Variants in GRID2 observed in about 807,000 individuals in gnomAD.
GRID2 encodes glutamate receptor ionotropic, delta-2.
A neutral mutation model predicts 114.8 loss-of-function variants in GRID2; 33 were observed. The observed-to-expected ratio is 0.29, with a 90% CI of 0.22 to 0.38. The LOEUF (loss-of-function observed/expected upper bound fraction) is 0.38. Ranked by LOEUF, GRID2 falls within the 10% of genes least tolerant of loss-of-function variation. The probability of loss-of-function intolerance (pLI) is 1.00; values close to 1 mark genes in which losing one functional copy is unlikely to be tolerated. For missense variants in GRID2, 1,184 were observed against 1,257.7 expected, an observed-to-expected ratio of 0.94 and a Z score of 0.89; for synonymous variants, 505 against 449.9, an observed-to-expected ratio of 1.12 and a Z score of -1.55.
At chr4:93,633,140 A>G (rs375052917) in intron 14 of GRID2, among the ~76,000 whole-genome samples, 3 of 113,566 alleles carry the variant, frequency 2.6e-5, no homozygotes, top group African/African-American at 8.0e-5. Context: ...CAATACTCTC[A>G]TAATGGGTCC....
At chr4:92,387,639 AG>A (rs1240842093) in intron 1 of GRID2, among the ~76,000 whole-genome samples, 1 of 151,980 alleles carries the variant, frequency 6.6e-6, no homozygotes, top group East Asian at 1.9e-4. Context: ...CAAGGGAGGA[AG>A]GAAGTGTAAG....
intron 2 of GRID2, among the ~76,000 whole-genome samples, chr4:92,886,066 T>G (rs1288195167): frequency 2.0e-5 from 3 of 152,144 alleles, no homozygotes; most frequent in African/African-American, 7.2e-5. Context: ...AATGTGGACT[T>G]GCAATTGCAA....
intron 6 of GRID2, 44 bp downstream of exon 6, chr4:93,216,955 G>T (rs944780089): frequency 1.4e-6 from 2 of 1,382,458 alleles, no homozygotes; most frequent in South Asian, 1.2e-5. Flanking sequence ...GTGCTTTGTT[G>T]GGCAATTGCA....
intron 4 of GRID2, among the ~76,000 whole-genome samples, chr4:93,171,279 G>C (rs1031001928): frequency 2.0e-5 from 3 of 152,034 alleles, no homozygotes; most frequent in Admixed American, 2.0e-4. Context: ...TCAACTGTGT[G>C]GTCTTTCCTC....
intron 12 of GRID2, among the ~76,000 whole-genome samples, chr4:93,508,220 C>T (rs182937008): frequency 4.5e-5 from 6 of 134,678 alleles, no homozygotes; most frequent in Admixed American, 7.6e-5. Flanking sequence ...TTTTTTTTGA[C>T]GGAGTCTTGG....
At chr4:92,485,923 G>C (rs150756805) in intron 1 of GRID2, among the ~76,000 whole-genome samples, 220 of 151,818 alleles carry the variant, frequency 1.4e-3, no homozygotes, top group African/African-American at 5.1e-3. Context: ...TGAAATTGTA[G>C]AAATAATGAG....
intron 2 of GRID2, among the ~76,000 whole-genome samples, chr4:93,061,679 A>G (rs1042127043): frequency 1.3e-5 from 2 of 152,148 alleles, no homozygotes; most frequent in African/African-American, 4.8e-5. Context: ...AGTGAAAACT[A>G]AGCAGAGATA....
intron 2 of GRID2, among the ~76,000 whole-genome samples, chr4:92,991,312 C>T (rs1754889996): frequency 6.6e-6 from 1 of 152,058 alleles, no homozygotes; most frequent in Non-Finnish European, 1.5e-5. Context: ...CTTGGCAAAA[C>T]ATAAAAGTAG....
intron 8 of GRID2, among the ~76,000 whole-genome samples, chr4:93,302,152 C>A (rs1754941928): frequency 6.6e-6 from 1 of 152,106 alleles, no homozygotes; most frequent in African/African-American, 2.4e-5. Flanking sequence ...TGCTTTCAAC[C>A]ATTCTTTAAC....
At chr4:93,431,231 A>G (rs1769376169) in intron 10 of GRID2, among the ~76,000 whole-genome samples, 1 of 152,144 alleles carries the variant, frequency 6.6e-6, no homozygotes, top group Non-Finnish European at 1.5e-5. Context: ...TTGGATATGT[A>G]GCATTCTGAA....
intron 2 of GRID2, among the ~76,000 whole-genome samples, chr4:92,727,071 CAT>C (rs1381912031): frequency 6.6e-6 from 1 of 151,982 alleles, no homozygotes; most frequent in Non-Finnish European, 1.5e-5. Context: ...TATCTAATAA[CAT>C]ATCTTAGTTA....
intron 1 of GRID2, among the ~76,000 whole-genome samples, chr4:92,339,437 A>G (rs1727358705): frequency 6.6e-6 from 1 of 152,182 alleles, no homozygotes; most frequent in Non-Finnish European, 1.5e-5. Context: ...TCATTGTAGT[A>G]GTATTCTTAT....
chr4:93,249,197 T>C lies in GRID2; in HGVS notation c.1245+10707T>C, dbSNP rs554566966. On this transcript the variant is annotated intron_variant, in intron 8 of 15. Coordinates refer to ENST00000282020, the MANE Select transcript of GRID2 (RefSeq NM_001510.4). ...AGATGACTGTAGTTGTGTGGTGCTA[T>C]TTCTGAGGCCTCTGTTCTGTTCAAT... Among the ~76,000 whole-genome samples the C allele has an allele frequency of 3.9e-5, 6 of 152,320 alleles. No individual in the cohort carries two copies. In the East Asian group the frequency reaches 9.7e-4, roughly 25 times the overall value.
At chr4:93,262,408 T>C (rs1750352108) in intron 8 of GRID2, among the ~76,000 whole-genome samples, 1 of 151,960 alleles carries the variant, frequency 6.6e-6, no homozygotes, top group Admixed American at 6.6e-5. Context: ...GAGGCAGTTA[T>C]GAAGAATATT....
chr4:92,749,853 TATTG>T (rs113146808), intron 2 of GRID2, among the ~76,000 whole-genome samples: 3,749 of 151,918 alleles, frequency 0.025, 94 homozygotes, highest in East Asian at 0.11. Flanking sequence ...CCTCACATTT[TATTG>T]ATTGATTGAT....
intron 10 of GRID2, among the ~76,000 whole-genome samples, chr4:93,437,778 A>G (rs917017696): frequency 1.3e-5 from 2 of 152,100 alleles, no homozygotes; most frequent in African/African-American, 4.8e-5. Context: ...TACTCACTTC[A>G]TTTCTCAACC....
At chr4:92,659,111 CAG>C (rs1317313273) in intron 2 of GRID2, among the ~76,000 whole-genome samples, 1 of 133,568 alleles carries the variant, frequency 7.5e-6, no homozygotes, top group African/African-American at 2.7e-5. Flanking sequence ...ATAAGGAACA[CAG>C]AGTGCAAATA....
chr4:92,502,197 G>A (rs1214352742), intron 1 of GRID2, among the ~76,000 whole-genome samples: 1 of 151,938 alleles, frequency 6.6e-6, no homozygotes, highest in Non-Finnish European at 1.5e-5. Context: ...TTCTATTGCA[G>A]TTTTCAAAAA....
At chr4:92,632,471 T>C (rs1730855107) in intron 2 of GRID2, among the ~76,000 whole-genome samples, 1 of 151,798 alleles carries the variant, frequency 6.6e-6, no homozygotes. Context: ...CTGTCTCTAC[T>C]AAAATACAAA....
Sources: allele counts gnomAD v4.1 joint callset (sites outside exome capture counted in the v4.1 genomes callset), GRCh38; gene constraint gnomAD v4.1.1; transcripts MANE v1.5; gene names NCBI Gene and HGNC (gene_info 2026-07-23, HGNC 2026-07-21).